The following DCSTAMP variants were observed in gnomAD, a reference collection of about 807,000 sequenced individuals.
The protein encoded by DCSTAMP is dendrocyte expressed seven transmembrane protein.
In DCSTAMP, 25 loss-of-function variants were observed where a neutral mutation model predicts 33.8. The observed-to-expected ratio is 0.74, with a 90% CI of 0.54 to 1.03. DCSTAMP has a LOEUF of 1.03. Among genes scored for constraint, DCSTAMP ranks in the 50% least tolerant of loss-of-function variants. The probability of loss-of-function intolerance (pLI) is 0.00; values close to 1 mark genes in which losing one functional copy is unlikely to be tolerated. For synonymous variants in DCSTAMP, 245 were observed against 216.7 expected (o/e 1.13, Z -1.15); for missense variants, 531 against 556.8 (o/e 0.95, Z 0.47).
Position 104,350,113 on chromosome 8 carries a change from G to C in DCSTAMP, c.1029+532G>C, listed in dbSNP as rs558203861. ...ATCCAGGGTAATTTCTCTATCTCAA[G>C]ATCTTTGACTTAATAACATTTGCAA... On this transcript the variant is annotated intron_variant, in intron 2 of 3. Transcript: ENST00000297581. 8.5e-5 allele frequency among the ~76,000 whole-genome samples: 13 copies of C among 152,212 alleles called. No individual in the cohort carries two copies. The South Asian group carries it at 2.7e-3, about 32-fold the overall frequency.
chr8:104,349,468 A>T lies in DCSTAMP; in HGVS notation c.916A>T (p.Ile306Phe). 3.1e-6 allele frequency: 5 copies of T among 1,614,204 alleles called. No individual in the cohort carries two copies. The highest frequency in any genetic ancestry group is 4.2e-6 in the Non-Finnish European group (5 of 1,180,050). The change falls in exon 2 of 4, where the codon ATC becomes TTC. Residue 306 changes from isoleucine (I) to phenylalanine (F), a missense_variant. Transcript: ENST00000297581. ...CCTCCCCATACTTATCCATCTCTGC[A>T]TCTGGGTGCTGTTTGCAGCTGTAGA... is the stretch of plus-strand genomic sequence containing the variant. The part of the protein sequence containing the change: ...FFLPILIHLC[I>F]WVLFAAVDYL...
At position 104,349,174 on chromosome 8, in the gene DCSTAMP, T is replaced by A. The variant is rs767122336; in HGVS notation, c.622T>A (p.Ser208Thr). 6.2e-7 allele frequency: 1 copy of A among 1,614,190 alleles called. No homozygotes were observed. Among genetic ancestry groups the A allele is most frequent in the South Asian group, 1.1e-5 (1 of 91,076 alleles). The change falls in exon 2 of 4, where the codon TCC becomes ACC. Residue 208 changes from serine to threonine, a missense_variant. Ser to Thr is a moderately conservative substitution (Grantham distance 58). Coordinates refer to ENST00000297581, the MANE Select transcript of DCSTAMP (RefSeq NM_030788.4). ...YQMATTTEVL[S>T]SLGQKLLAFA... ...GATGGCAACAACCACAGAGGTGTTG[T>A]CCTCCCTGGGTCAGAAGCTACTTGC...
chr8:104,355,273 C>T (rs1189008677), intron 3 of DCSTAMP, 88 bp downstream of exon 3: 61 of 1,352,972 alleles, frequency 4.5e-5, no homozygotes, highest in Non-Finnish European at 5.6e-5. Context: ...GCATTTAATG[C>T]TTCAACTTCA....
chr8:104,346,344 G>C (rs1246405608), intron 1 of DCSTAMP, among the ~76,000 whole-genome samples: 2 of 152,234 alleles, frequency 1.3e-5, no homozygotes, highest in Non-Finnish European at 2.9e-5. Flanking sequence ...TGGGCATCCT[G>C]CCCTCTGCCC....
intron 1 of DCSTAMP, among the ~76,000 whole-genome samples, chr8:104,347,356 A>C (rs1162520297): frequency 6.6e-6 from 1 of 152,260 alleles, no homozygotes; most frequent in Non-Finnish European, 1.5e-5. Context: ...CAATGGCCTC[A>C]GTCCAAGGCT....
Position 104,350,874 on chromosome 8 carries a change from A to G in DCSTAMP, c.1029+1293A>G, listed in dbSNP as rs1588375633. 2.6e-5 allele frequency among the ~76,000 whole-genome samples: 4 copies of G among 152,308 alleles called. No individual in the cohort carries two copies. In the Middle Eastern group the frequency reaches 0.01, roughly 389 times the overall value. On this transcript the variant is annotated intron_variant, in intron 2 of 3. Coordinates refer to ENST00000297581, the MANE Select transcript of DCSTAMP (RefSeq NM_030788.4). ...TCCAGAATCACCAGATTCTGTTTTA[A>G]TTGGACTGCGGCGAGAGATTTTTAA...
At chr8:104,343,354 A>C (rs1163905801) in intron 1 of DCSTAMP, among the ~76,000 whole-genome samples, 2 of 152,222 alleles carry the variant, frequency 1.3e-5, no homozygotes, top group African/African-American at 4.8e-5. Flanking sequence ...ACACATTAAT[A>C]ACTACCGTCT....
Position 104,348,647 on chromosome 8 carries a change from A to G in DCSTAMP, c.95A>G (p.His32Arg). The G allele has an allele frequency of 1.9e-6, 3 of 1,614,200 alleles. No individual in the cohort carries two copies. Among genetic ancestry groups the G allele is most frequent in the Non-Finnish European group, 2.5e-6 (3 of 1,180,042 alleles). ...CCCGGATGGATGGACTTTATCCAGC[A>G]TTTGGGAGTTTGCTGTTTGGTTGCT... ...RSPGWMDFIQ[H>R]LGVCCLVALI... Residue 32 changes from histidine to arginine, a missense_variant, in exon 2 of 4, where the codon CAT becomes CGT. Coordinates refer to ENST00000297581, the MANE Select transcript of DCSTAMP (RefSeq NM_030788.4).
chr8:104,347,315 G>A (rs1810340241), intron 1 of DCSTAMP, among the ~76,000 whole-genome samples: 1 of 152,214 alleles, frequency 6.6e-6, no homozygotes, highest in Non-Finnish European at 1.5e-5. Context: ...GGGCATAAGA[G>A]GGAAGAAGCC....
At chr8:104,343,743 G>A (rs1002415752) in intron 1 of DCSTAMP, among the ~76,000 whole-genome samples, 1 of 152,182 alleles carries the variant, frequency 6.6e-6, no homozygotes, top group Non-Finnish European at 1.5e-5. Context: ...AATTAAAGGC[G>A]ACACAGAGTG....
rs776619286 is a variant in DCSTAMP, at chr8:104,355,110, T to A, written c.1263T>A (p.His421Gln). Residue 421 changes from histidine (H) to glutamine (Q), a missense_variant, in exon 3 of 4, where the codon CAT becomes CAA. Transcript: ENST00000297581. The stretch of plus-strand genomic sequence containing the variant: ...AGAGGAAGCGCATCCAATATCTGCA[T>A]GCAAAGCTGCTTAAAAAAAGATCAA... ...SVERKRIQYLHAKLLKKRSKQ... is the reference protein window; with the variant it reads ...SVERKRIQYLQAKLLKKRSKQ... 1.2e-5 allele frequency: 19 copies of A among 1,613,954 alleles called. No homozygotes were observed. Among genetic ancestry groups the A allele is most frequent in the Non-Finnish European group, 1.5e-5 (18 of 1,180,020 alleles).
Position 104,356,257 on chromosome 8 carries a change from G to A in DCSTAMP, c.*59G>A, listed in dbSNP as rs1423824157. 10 of 1,527,136 alleles carry A rather than the reference G, an allele frequency of 6.5e-6. No homozygotes were observed. The East Asian group carries it at 1.6e-4, about 25-fold the overall frequency. 94.6% of individuals were successfully genotyped at this position (1,527,136 alleles called of 1,614,324 possible). A position where few individuals can be genotyped will look rare whatever the true frequency, so the allele number is the denominator to read the frequency against. On this transcript the variant is annotated 3_prime_UTR_variant, in exon 4 of 4. Coordinates refer to ENST00000297581, the MANE Select transcript of DCSTAMP (RefSeq NM_030788.4). ...AACAATTCTCTTCAGGTCTAGGATG[G>A]CAGTCACTATTCATGCCGGATAATA...
intron 1 of DCSTAMP, among the ~76,000 whole-genome samples, chr8:104,341,269 CATT>C (rs1284763007): frequency 6.6e-6 from 1 of 152,228 alleles, no homozygotes; most frequent in Non-Finnish European, 1.5e-5. Flanking sequence ...TGGAGATTCT[CATT>C]ATTATTTCAT....
chr8:104,355,119 G>A lies in DCSTAMP; in HGVS notation c.1272G>A (p.Leu424=). The A allele has an allele frequency of 1.2e-6, 2 of 1,614,074 alleles. No individual in the cohort carries two copies. The highest frequency in any genetic ancestry group is 1.7e-6 in the Non-Finnish European group (2 of 1,180,018). Reference sequence around the variant, plus strand: ...GCATCCAATATCTGCATGCAAAGCTGCTTAAAAAAAGATCAAAGCAGCCGC... The same window carrying A: ...GCATCCAATATCTGCATGCAAAGCTACTTAAAAAAAGATCAAAGCAGCCGC... ...RKRIQYLHAK[L]LKKRSKQPLG... Residue 424 remains leucine, a synonymous_variant, in exon 3 of 4, where the codon CTG becomes CTA. Coordinates refer to ENST00000297581, the MANE Select transcript of DCSTAMP (RefSeq NM_030788.4).
intron 1 of DCSTAMP, among the ~76,000 whole-genome samples, chr8:104,343,039 C>T (rs2099383220): frequency 6.6e-6 from 1 of 152,192 alleles, no homozygotes; most frequent in Admixed American, 6.5e-5. Context: ...CAGGACAGCT[C>T]ATCCTGGCAT....
rs1194354191 is a variant in DCSTAMP, at chr8:104,356,500, A to G, written c.*302A>G. The G allele has an allele frequency of 5.0e-6, 1 of 198,172 alleles. No homozygotes were observed. The highest frequency in any genetic ancestry group is 1.1e-4 in the East Asian group (1 of 9,122). 12.3% of individuals were successfully genotyped at this position (198,172 alleles called of 1,614,324 possible). On this transcript the variant is annotated 3_prime_UTR_variant, in exon 4 of 4. Transcript: ENST00000297581. ...GAGTTTCAGCATAGAATAATGTTCA[A>G]GGAAAAGAAAACGAAAACAGTTTAA...
intron 2 of DCSTAMP, among the ~76,000 whole-genome samples, chr8:104,354,016 C>T (rs1221479473): frequency 2.0e-5 from 3 of 152,214 alleles, no homozygotes; most frequent in Non-Finnish European, 2.9e-5. Context: ...GATCAGCACA[C>T]ACTTCTCTTG....
intron 1 of DCSTAMP, among the ~76,000 whole-genome samples, chr8:104,347,662 G>A (rs969107773): frequency 2.6e-5 from 4 of 152,212 alleles, no homozygotes; most frequent in Non-Finnish European, 5.9e-5. Context: ...GTCTAGGATG[G>A]CCTCTCTCAC....
chr8:104,346,076 C>T (rs943075656), intron 1 of DCSTAMP, among the ~76,000 whole-genome samples: 2 of 152,216 alleles, frequency 1.3e-5, no homozygotes, highest in East Asian at 3.9e-4. Flanking sequence ...CCTGCTGTGC[C>T]GTCTCCACTG....
Sources: allele counts gnomAD v4.1 joint callset (sites outside exome capture counted in the v4.1 genomes callset), GRCh38; gene constraint gnomAD v4.1.1; transcripts MANE v1.5; gene names NCBI Gene and HGNC (gene_info 2026-07-23, HGNC 2026-07-21).